FBXL17: variants seen among roughly 807,000 people sequenced by gnomAD.
FBXL17 encodes F-box/LRR-repeat protein 17.
FBXL17 carries 22 observed loss-of-function variants against 66.2 expected under a neutral mutation model. The ratio of observed to expected loss-of-function variants is 0.33; its 90% CI spans 0.24 to 0.47. FBXL17 has a LOEUF of 0.47. FBXL17 is among the 20% of genes least tolerant of loss of function. The pLI is 1.00. For missense variants in FBXL17, 878 were observed against 948.2 expected, an observed-to-expected ratio of 0.93 and a Z score of 0.97; for synonymous variants, 474 against 400.5, an observed-to-expected ratio of 1.18 and a Z score of -2.19.
chr5:107,931,780 C>A (rs542498946), intron 7 of FBXL17, among the ~76,000 whole-genome samples: 1 of 152,264 alleles, frequency 6.6e-6, no homozygotes, highest in East Asian at 1.9e-4. Context: ...CACATATTCA[C>A]ATTTTATATT....
intron 6 of FBXL17, among the ~76,000 whole-genome samples, chr5:108,088,505 T>C (rs966672166): frequency 6.6e-6 from 1 of 151,824 alleles, no homozygotes; most frequent in Non-Finnish European, 1.5e-5. Flanking sequence ...ATCGAGACCA[T>C]CCTGGCTAAC....
intron 5 of FBXL17, among the ~76,000 whole-genome samples, chr5:108,211,092 G>C (rs976477952): frequency 6.6e-6 from 1 of 152,104 alleles, no homozygotes; most frequent in Non-Finnish European, 1.5e-5. Flanking sequence ...TTTGATCTTT[G>C]TTGGTTTAAA....
At chr5:108,371,019 A>T (rs1749004143) in intron 1 of FBXL17, among the ~76,000 whole-genome samples, 1 of 152,160 alleles carries the variant, frequency 6.6e-6, no homozygotes, top group Non-Finnish European at 1.5e-5. Context: ...GTCCCTGTAC[A>T]GAAATGCACA....
At chr5:107,880,631 C>T in intron 8 of FBXL17, 1 of 1,135,068 alleles carries the variant, frequency 8.8e-7, no homozygotes, top group Non-Finnish European at 1.1e-6. Context: ...TGTGAAAAAC[C>T]AATTTGGCAC....
chr5:108,130,193 G>T (rs1329837267), intron 6 of FBXL17, among the ~76,000 whole-genome samples: 2 of 151,584 alleles, frequency 1.3e-5, no homozygotes, highest in Non-Finnish European at 3.0e-5. Context: ...ACATTAAACA[G>T]GTTTGGCGAA....
chr5:107,901,135 A>G (rs1306588729), intron 7 of FBXL17, among the ~76,000 whole-genome samples: 1 of 152,188 alleles, frequency 6.6e-6, no homozygotes, highest in Admixed American at 6.5e-5. Flanking sequence ...TCAGTATACT[A>G]TAAATTTTCT....
chr5:108,045,265 C>G (rs1747208641), intron 6 of FBXL17, among the ~76,000 whole-genome samples: 1 of 152,000 alleles, frequency 6.6e-6, no homozygotes, highest in African/African-American at 2.4e-5. Flanking sequence ...CATGGTGAAG[C>G]CCTGTCGCTA....
In FBXL17 at chr5:108,359,796, T is replaced by C. The variant is rs926986779; in HGVS notation, c.1374+4942A>G. Among the ~76,000 whole-genome samples, 9 of 152,266 alleles carry C rather than the reference T, an allele frequency of 5.9e-5. No homozygotes were observed. In the East Asian group the frequency reaches 1.5e-3, roughly 26 times the overall value. ...TGTTGTTGAGTGTACTGTACATATC[T>C]GCTAGGTGCAGTGGGTTCATGGTAC... On this transcript the variant is annotated intron_variant, in intron 3 of 8. Coordinates refer to ENST00000542267, the MANE Select transcript of FBXL17 (RefSeq NM_001163315.3).
intron 8 of FBXL17, among the ~76,000 whole-genome samples, chr5:107,868,199 A>T (rs1224014007): frequency 2.0e-5 from 3 of 152,184 alleles, no homozygotes; most frequent in Admixed American, 6.5e-5. Flanking sequence ...GCACTGTACC[A>T]CATTGCCTGG....
At chr5:108,189,611 C>T (rs867088962) in intron 5 of FBXL17, among the ~76,000 whole-genome samples, 2 of 152,140 alleles carry the variant, frequency 1.3e-5, no homozygotes, top group Admixed American at 6.5e-5. Flanking sequence ...ACAGGACCCA[C>T]GATTAGGATG....
intron 6 of FBXL17, among the ~76,000 whole-genome samples, chr5:108,028,339 G>A (rs1754906021): frequency 6.6e-6 from 1 of 152,100 alleles, no homozygotes; most frequent in African/African-American, 2.4e-5. Flanking sequence ...ACATATAATT[G>A]ATGATAATCT....
At chr5:108,297,752 T>G (rs886625920) in intron 4 of FBXL17, 5 of 655,200 alleles carry the variant, frequency 7.6e-6, no homozygotes, top group South Asian at 6.9e-5. Context: ...CAAAAAAAGT[T>G]TATTCATAAC....
chr5:108,157,838 T>G (rs1333526616), intron 6 of FBXL17, among the ~76,000 whole-genome samples: 7 of 152,086 alleles, frequency 4.6e-5, no homozygotes, highest in African/African-American at 1.7e-4. Context: ...CAATTCTATC[T>G]ATATACCACC....
At chr5:108,323,797 A>C (rs1759729709) in intron 4 of FBXL17, among the ~76,000 whole-genome samples, 1 of 152,048 alleles carries the variant, frequency 6.6e-6, no homozygotes. Flanking sequence ...AAAAAGTCAA[A>C]TTATTTCCTA....
At chr5:108,134,297 G>A (rs962932951) in intron 6 of FBXL17, among the ~76,000 whole-genome samples, 2 of 152,108 alleles carry the variant, frequency 1.3e-5, no homozygotes, top group Non-Finnish European at 2.9e-5. Flanking sequence ...GAATCCATCA[G>A]GAGAGCCAGA....
At chr5:108,380,378 C>T (rs1279760158) in intron 1 of FBXL17, among the ~76,000 whole-genome samples, 8 of 152,256 alleles carry the variant, frequency 5.3e-5, no homozygotes, top group Admixed American at 3.3e-4. Flanking sequence ...ATAAATTCCT[C>T]GATTAAAAAA....
intron 6 of FBXL17, among the ~76,000 whole-genome samples, chr5:108,105,799 C>T (rs1438226532): frequency 1.3e-5 from 2 of 152,134 alleles, no homozygotes; most frequent in Non-Finnish European, 2.9e-5. Context: ...AAATTTAAAA[C>T]GTGTTTAGGG....
chr5:108,309,135 A>C (rs1364134397), intron 4 of FBXL17, among the ~76,000 whole-genome samples: 1 of 152,118 alleles, frequency 6.6e-6, no homozygotes, highest in East Asian at 1.9e-4. Context: ...ATGATACATC[A>C]ATACAATGGA....
chr5:108,031,151 T>G (rs1048081778), intron 6 of FBXL17, among the ~76,000 whole-genome samples: 4 of 152,030 alleles, frequency 2.6e-5, no homozygotes, highest in Non-Finnish European at 4.4e-5. Flanking sequence ...AAGCATTAGT[T>G]GAGTTAGTAA....
Sources: gnomAD v4.1 joint callset for allele counts (sites outside exome capture counted in the v4.1 genomes callset) on GRCh38, gnomAD v4.1.1 for gene constraint, MANE v1.5 for transcripts, NCBI Gene and HGNC (gene_info 2026-07-23, HGNC 2026-07-21) for gene names.